The following USP6NL variants were observed in gnomAD, a reference collection of about 807,000 sequenced individuals.
USP6NL encodes USP6 N-terminal-like protein.
In USP6NL, 26 loss-of-function variants were observed where a neutral mutation model predicts 61.9. That is an observed-to-expected ratio of 0.42 (90% CI 0.31 to 0.58). USP6NL has a LOEUF of 0.58. Ranked by LOEUF, USP6NL falls within the 20% of genes least tolerant of loss-of-function variation. The pLI, the probability that USP6NL is intolerant of heterozygous loss-of-function variation, is 0.16. For missense variants in USP6NL, 1,114 were observed against 1,034.3 expected (o/e 1.08, Z -1.06); for synonymous variants, 432 against 390.1 (o/e 1.11, Z -1.27).
In USP6NL at chr10:11,500,964, C is replaced by T. The variant is rs553646138; in HGVS notation, c.384+137G>A. 103 of 597,748 alleles carry T rather than the reference C, an allele frequency of 1.7e-4. 1 individual carries two copies. The highest frequency in any genetic ancestry group is 1.7e-3 in the African/African-American group (89 of 53,418). 37.0% of individuals were successfully genotyped at this position (597,748 alleles called of 1,614,324 possible). Reference sequence around the variant, plus strand: ...TTTTGCAATCAAGAAAACAAATAGACCTCCAAAACCTCCAATGCGATAGAA... The same window carrying T: ...TTTTGCAATCAAGAAAACAAATAGATCTCCAAAACCTCCAATGCGATAGAA... On this transcript the variant is annotated intron_variant, in intron 7 of 14. Coordinates refer to ENST00000609104, the MANE Select transcript of USP6NL (RefSeq NM_014688.5).
rs1025023011 is a variant in USP6NL at position 11,511,326 on chromosome 10, T to C, written c.196-1651A>G. 2.0e-5 allele frequency among the ~76,000 whole-genome samples: 3 copies of C among 152,372 alleles called. No homozygotes were observed. The highest frequency in any genetic ancestry group is 3.9e-4 in the East Asian group (2 of 5,192). ...ACTGTTGCAGATGGTTCCAGAAATATGTTTAATTTTAAAACTCAGTGGGGC... is the reference window on the plus strand; with the variant it reads ...ACTGTTGCAGATGGTTCCAGAAATACGTTTAATTTTAAAACTCAGTGGGGC... On this transcript the variant is annotated intron_variant, in intron 5 of 14. Transcript: ENST00000609104. The surrounding 1 kb of genome is among the most constrained non-coding windows in gnomAD (Gnocchi z 4.9).
At chr10:11,475,723 G>A (rs535599094) in intron 14 of USP6NL, among the ~76,000 whole-genome samples, 15 of 151,964 alleles carry the variant, frequency 9.9e-5, no homozygotes, top group East Asian at 1.9e-4. Flanking sequence ...GAGGGAGAGC[G>A]TTAAAGGGAA....
At chr10:11,507,927 T>C (rs746792278) in intron 6 of USP6NL, among the ~76,000 whole-genome samples, 16 of 152,232 alleles carry the variant, frequency 1.1e-4, no homozygotes, top group Non-Finnish European at 2.4e-4. Flanking sequence ...TGACCCATGA[T>C]AGTCTGCCTC....
intron 7 of USP6NL, among the ~76,000 whole-genome samples, chr10:11,498,214 C>A (rs1349083996): frequency 9.6e-6 from 1 of 103,896 alleles, no homozygotes; most frequent in South Asian, 3.7e-4. Flanking sequence ...CCAGCCTGGG[C>A]AACAGAGTGA....
intron 2 of USP6NL, among the ~76,000 whole-genome samples, chr10:11,578,468 C>G (rs913271471): frequency 6.6e-6 from 1 of 152,076 alleles, no homozygotes; most frequent in Non-Finnish European, 1.5e-5. Context: ...TTGCTTTAAG[C>G]CTTTTATAGA....
rs1462955574 is a variant in USP6NL, at chr10:11,511,016, G to C, written c.196-1341C>G. ...CCTCAAACAGGCAGACATTATGCTG[G>C]CAGATGGCATATATGCCTCACCACC... On this transcript the variant is annotated intron_variant, in intron 5 of 14. Coordinates refer to ENST00000609104, the MANE Select transcript of USP6NL (RefSeq NM_014688.5). This position sits in a 1 kb window ranked among gnomAD's most constrained non-coding sequence, Gnocchi z 4.9. 2.0e-5 allele frequency among the ~76,000 whole-genome samples: 3 copies of C among 152,204 alleles called. No homozygotes were observed. Among genetic ancestry groups the C allele is most frequent in the Non-Finnish European group, 2.9e-5 (2 of 68,044 alleles).
intron 2 of USP6NL, among the ~76,000 whole-genome samples, chr10:11,557,542 C>T (rs117766475): frequency 0.013 from 1,923 of 152,238 alleles, 21 homozygotes; most frequent in Middle Eastern, 0.024. Context: ...TTATCTCTAG[C>T]GTTAAATCAG....
At chr10:11,594,583 G>A (rs1236770467) in intron 2 of USP6NL, among the ~76,000 whole-genome samples, 1 of 152,044 alleles carries the variant, frequency 6.6e-6, no homozygotes, top group Admixed American at 6.5e-5. Context: ...CTAGAGTCCA[G>A]AATGTTCAAT....
Position 11,596,045 on chromosome 10 carries a change from A to G in USP6NL, c.4+1586T>C, listed in dbSNP as rs976441808. ...GACTTTGATCTTTGTTTTCTAGGGT[A>G]AGCAGTATACAAGACACCATCAAAC... On this transcript the variant is annotated intron_variant, in intron 2 of 14. Coordinates refer to ENST00000609104, the MANE Select transcript of USP6NL (RefSeq NM_014688.5). This position sits in a 1 kb window ranked among gnomAD's most constrained non-coding sequence, Gnocchi z 4.1. Among the ~76,000 whole-genome samples, 1 of 152,186 alleles carries G rather than the reference A, an allele frequency of 6.6e-6. No homozygotes were observed. Among genetic ancestry groups the G allele is most frequent in the Non-Finnish European group, 1.5e-5 (1 of 68,040 alleles).
intron 1 of USP6NL, among the ~76,000 whole-genome samples, chr10:11,610,072 C>CTA (rs1474130501): frequency 6.6e-5 from 10 of 151,984 alleles, no homozygotes; most frequent in East Asian, 3.9e-4. Flanking sequence ...CATTAATTCT[C>CTA]TATATATATA....
chr10:11,553,550 T>C lies in USP6NL; in HGVS notation c.5-25983A>G, dbSNP rs1836571584. Among the ~76,000 whole-genome samples the C allele has an allele frequency of 6.6e-6, 1 of 152,204 alleles. No individual in the cohort carries two copies. The highest frequency in any genetic ancestry group is 2.4e-5 in the African/African-American group (1 of 41,446). On this transcript the variant is annotated intron_variant, in intron 2 of 14. Transcript: ENST00000609104. This position sits in a 1 kb window ranked among gnomAD's most constrained non-coding sequence, Gnocchi z 4.8. ...GGAATATATACTTACATCCATTCAT[T>C]GAACCCTCACTCCATTCATCAATAT...
intron 14 of USP6NL, among the ~76,000 whole-genome samples, chr10:11,467,368 T>C (rs1223913287): frequency 6.6e-6 from 1 of 152,200 alleles, no homozygotes; most frequent in Non-Finnish European, 1.5e-5. Flanking sequence ...TACTGTGGGC[T>C]TGGAGAAACA....
intron 5 of USP6NL, among the ~76,000 whole-genome samples, chr10:11,512,117 A>T (rs1193163432): frequency 6.6e-6 from 1 of 152,214 alleles, no homozygotes; most frequent in Non-Finnish European, 1.5e-5. Context: ...CCAAAAAATA[A>T]GCTAGGGAAT....
At chr10:11,607,285 T>C (rs1838738828) in intron 1 of USP6NL, among the ~76,000 whole-genome samples, 1 of 152,174 alleles carries the variant, frequency 6.6e-6, no homozygotes, top group Non-Finnish European at 1.5e-5. Flanking sequence ...CACCTTATCT[T>C]ACCACAGATA....
Position 11,602,405 on chromosome 10 carries a change from T to C in USP6NL, c.-83-4688A>G, listed in dbSNP as rs2133683211. Among the ~76,000 whole-genome samples, 1 of 152,290 alleles carries C rather than the reference T, an allele frequency of 6.6e-6. No homozygotes were observed. Among genetic ancestry groups the C allele is most frequent in the South Asian group, 2.1e-4 (1 of 4,834 alleles). On this transcript the variant is annotated intron_variant, in intron 1 of 14. Transcript: ENST00000609104. The surrounding 1 kb of genome is among the most constrained non-coding windows in gnomAD (Gnocchi z 4.8). ...AATATATAATATGTATTACAATAAA[T>C]ATATAATGTATAATGCATAATAAAT...
At position 11,487,213 on chromosome 10, in the gene USP6NL, G is replaced by T. The variant is rs1309438592; in HGVS notation, c.665-1302C>A. Among the ~76,000 whole-genome samples the T allele has an allele frequency of 6.6e-6, 1 of 152,088 alleles. No homozygotes were observed. Among genetic ancestry groups the T allele is most frequent in the Non-Finnish European group, 1.5e-5 (1 of 68,012 alleles). The stretch of plus-strand genomic sequence containing the variant: ...GCCTAACAGTTCTTCATTTTCCACT[G>T]ATGTTCCAGATCTCATATTTTATAT... On this transcript the variant is annotated intron_variant, in intron 10 of 14. Coordinates refer to ENST00000609104, the MANE Select transcript of USP6NL (RefSeq NM_014688.5). This position sits in a 1 kb window ranked among gnomAD's most constrained non-coding sequence, Gnocchi z 4.2.
In USP6NL at chr10:11,485,910, G is replaced by T. The variant is rs1250087552; in HGVS notation, c.666C>A (p.Gly222=). The part of the protein sequence containing the change: ...LFSGPKHAMH[G]FFVQGFPKLL... ...GTTTAGGAAAACCTTGGACAAAAAA[G>T]CCTAGAATACAAACATAAAAACAAC... The change falls in exon 11 of 15, where the codon GGC becomes GGA. Residue 222 remains glycine (G), a splice_region_variant and synonymous_variant. Coordinates refer to ENST00000609104, the MANE Select transcript of USP6NL (RefSeq NM_014688.5). This position sits in a 1 kb window ranked among gnomAD's most constrained non-coding sequence, Gnocchi z 4.8. The T allele has an allele frequency of 2.6e-6, 4 of 1,540,892 alleles. No homozygotes were observed. Among genetic ancestry groups the T allele is most frequent in the African/African-American group, 1.4e-5 (1 of 72,516 alleles).
chr10:11,547,938 A>AT (rs1361972483), intron 2 of USP6NL, among the ~76,000 whole-genome samples: 1 of 152,318 alleles, frequency 6.6e-6, no homozygotes, highest in Non-Finnish European at 1.5e-5. Context: ...GTTAAAAATT[A>AT]ATTTTAAAAA....
In USP6NL at chr10:11,462,873, G is replaced by A. The variant is rs2096221426; in HGVS notation, c.2055C>T (p.Tyr685=). 2.5e-6 allele frequency: 4 copies of A among 1,613,738 alleles called. No homozygotes were observed. Among genetic ancestry groups the A allele is most frequent in the Middle Eastern group, 1.6e-4 (1 of 6,084 alleles). The change falls in exon 15 of 15, where the codon TAC becomes TAT. Residue 685 remains tyrosine, a synonymous_variant. Transcript: ENST00000609104. The stretch of plus-strand genomic sequence containing the variant: ...GCAGTACAAGGGGGCTTGGGCGGCT[G>A]TAAGATTTCTCCGGAGAAGCACTGA... ...LSVSASPEKS[Y]SRPSPLVLPS... is the part of the protein sequence containing the mutation.
Sources: gnomAD v4.1 joint callset for allele counts (sites outside exome capture counted in the v4.1 genomes callset) on GRCh38, gnomAD v4.1.1 for gene constraint, Gnocchi (gnomAD v3.1) non-coding constraint, MANE v1.5 for transcripts, NCBI Gene and HGNC (gene_info 2026-07-23, HGNC 2026-07-21) for gene names.